ZDHHC24: variants seen among roughly 807,000 people sequenced by gnomAD.
ZDHHC24 encodes the protein probable palmitoyltransferase ZDHHC24.
Under a neutral mutation model 23.2 loss-of-function variants are expected in ZDHHC24, and 17 were observed. That is an observed-to-expected ratio of 0.73 (90% CI 0.50 to 1.10). ZDHHC24 has a LOEUF of 1.10. ZDHHC24 is among the 50% of genes least tolerant of loss of function. The pLI is 0.00. For missense variants in ZDHHC24, 366 were observed against 393.0 expected (o/e 0.93, Z 0.58); for synonymous variants, 186 against 194.5 (o/e 0.96, Z 0.36).
At position 66,543,895 on chromosome 11, in the gene ZDHHC24, T is replaced by C; in HGVS notation, c.368A>G (p.His123Arg). The change falls in exon 2 of 3, where the codon CAC (histidine) becomes CGC (arginine). Residue 123 changes from histidine to arginine, a missense_variant. Physicochemically the swap from His to Arg is conservative, Grantham distance 29. Transcript: ENST00000310442. ...CRVCILRRDH[H>R]CRLLGRCVGF... is the part of the protein sequence containing the mutation. ...CACGCAGCGGCCCAGCAGGCGGCAGTGGTGGTCCCGACGCAGGATGCAGAC... is the reference window on the plus strand; with the variant it reads ...CACGCAGCGGCCCAGCAGGCGGCAGCGGTGGTCCCGACGCAGGATGCAGAC... The C allele has an allele frequency of 6.2e-7, 1 of 1,613,898 alleles. No individual in the cohort carries two copies. Among genetic ancestry groups the C allele is most frequent in the Non-Finnish European group, 8.5e-7 (1 of 1,179,924 alleles).
At chr11:66,529,323 T>C in exon 3 of ZDHHC24, 1 of 1,536,118 alleles carries the variant, frequency 6.5e-7, no homozygotes, top group Non-Finnish European at 8.7e-7. Flanking sequence ...ATGAGGCTGG[T>C]TTCCGCAGCA....
downstream of ZDHHC24, among the ~76,000 whole-genome samples, chr11:66,534,778 C>T (rs1176429117): frequency 3.3e-5 from 5 of 152,146 alleles, no homozygotes; most frequent in Admixed American, 3.3e-4. Context: ...TCGCTGCAAG[C>T]ATCACCTCCC....
Position 66,543,761 on chromosome 11 carries a change from G to A in ZDHHC24, c.502C>T (p.His168Tyr), listed in dbSNP as rs1429003563. Residue 168 changes from histidine to tyrosine, a missense_variant, in exon 2 of 3, where the codon CAC becomes TAC. Coordinates refer to ENST00000310442, the MANE Select transcript of ZDHHC24 (RefSeq NM_207340.3). ...GPALSALLRA[H>Y]TPLHMAALLL... ...AGGGCAGCCATGTGGAGGGGCGTGT[G>A]GGCTCGCAGCAGGGCCGACAGTGCA... is the stretch of plus-strand genomic sequence containing the variant. 6.2e-7 allele frequency: 1 copy of A among 1,607,960 alleles called. No individual in the cohort carries two copies. Among genetic ancestry groups the A allele is most frequent in the East Asian group, 2.2e-5 (1 of 44,628 alleles).
At chr11:66,523,475 T>G (rs777705416) in intron 4 of ZDHHC24, 3 of 1,614,058 alleles carry the variant, frequency 1.9e-6, no homozygotes. Context: ...GCACCCCAAG[T>G]ACTGCATCGA....
chr11:66,522,417 G>A (rs969549651), intron 4 of ZDHHC24, among the ~76,000 whole-genome samples: 2 of 150,070 alleles, frequency 1.3e-5, no homozygotes, highest in Admixed American at 1.3e-4. Context: ...GCACGATCTC[G>A]GCTTACTGCA....
intron 1 of ZDHHC24, 23 bp from the exon 2 acceptor site, chr11:66,544,004 C>T (rs1394727292): frequency 2.5e-6 from 4 of 1,608,890 alleles, no homozygotes; most frequent in Admixed American, 1.7e-5. Context: ...ACCACAGCGT[C>T]AGTTCCCCCA....
chr11:66,539,536 G>C lies in ZDHHC24; in HGVS notation c.848C>G (p.Ala283Gly). The change falls in exon 3 of 3, where the codon GCC (alanine) becomes GGC (glycine). Residue 283 changes from alanine (A) to glycine (G), a missense_variant. Coordinates refer to ENST00000310442, the MANE Select transcript of ZDHHC24 (RefSeq NM_207340.3). ...CTCTGGCTCTTCCTGGAGTCAGGAG[G>C]CTGTGTGTCCCACATCTGCTGTGGT... ...FQTTADVGHT[A>G]S 6.4e-7 allele frequency: 1 copy of C among 1,564,290 alleles called. No homozygotes were observed. The highest frequency in any genetic ancestry group is 8.7e-7 in the Non-Finnish European group (1 of 1,154,666).
chr11:66,531,105 G>A (rs1483152491), downstream of ZDHHC24: 50 of 1,581,280 alleles, frequency 3.2e-5, no homozygotes, highest in Middle Eastern at 5.0e-4. Flanking sequence ...ACAGAGCCCC[G>A]CCAGGTCAGG....
chr11:66,532,951 C>A (rs1856844371), downstream of ZDHHC24: 1 of 152,232 alleles, frequency 6.6e-6, no homozygotes, highest in Non-Finnish European at 1.5e-5. Context: ...CCAAATCAGT[C>A]ATGTGGGTGG....
Position 66,539,751 on chromosome 11 carries a change from C to T in ZDHHC24, c.633G>A (p.Gly211=), listed in dbSNP as rs1399911739. ...GCATCCCATGGAAGAGCAGCCCAGC[C>T]CCGCACAGCAGCGCACCCGCCACGC... is the stretch of plus-strand genomic sequence containing the variant. ...DTCVAGALLC[G]AGLLFHGMLL... Residue 211 remains glycine, a synonymous_variant, in exon 3 of 3, where the codon GGG becomes GGA. Coordinates refer to ENST00000310442, the MANE Select transcript of ZDHHC24 (RefSeq NM_207340.3). 6.2e-7 allele frequency: 1 copy of T among 1,613,324 alleles called. No homozygotes were observed. Among genetic ancestry groups the T allele is most frequent in the Admixed American group, 1.7e-5 (1 of 59,984 alleles).
In ZDHHC24 at chr11:66,524,300, G is replaced by C. The variant is rs1023968597; in HGVS notation, c.*21+2636C>G. 9.0e-6 allele frequency: 3 copies of C among 333,352 alleles called. No individual in the cohort carries two copies. In the East Asian group the frequency reaches 2.4e-4, roughly 27 times the overall value. 20.6% of individuals were successfully genotyped at this position (333,352 alleles called of 1,614,324 possible). A position where few individuals can be genotyped will look rare whatever the true frequency, so the allele number is the denominator to read the frequency against. ...ATCTTAAAAAAAAAAAAAATGTGTT[G>C]AGCACCTCATATGTACCAGTCACCA... On this transcript the variant is annotated intron_variant, in intron 4 of 4. Transcript: ENST00000526986.
chr11:66,532,166 C>A, downstream of ZDHHC24: 1 of 972,018 alleles, frequency 1.0e-6, no homozygotes, highest in Non-Finnish European at 1.5e-6. Flanking sequence ...CTTAAGCACC[C>A]GCTTCCTCAC....
Position 66,535,867 on chromosome 11 carries a change from CA to C in ZDHHC24, c.*3661del, listed in dbSNP as rs1224058548. ...TTTAGGAGATGATTCCCAAAGGGCACAGGGGCAGAAAAATGACCAGTGGAAC... is the reference window on the plus strand; with the variant it reads ...TTTAGGAGATGATTCCCAAAGGGCACGGGGCAGAAAAATGACCAGTGGAAC... On this transcript the variant is annotated 3_prime_UTR_variant, in exon 3 of 3. Transcript: ENST00000310442. The C allele has an allele frequency of 6.6e-6, 1 of 152,074 alleles. No homozygotes were observed. The highest frequency in any genetic ancestry group is 2.4e-5 in the African/African-American group (1 of 41,376). The allele number at this position is 152,074 out of a possible 1,614,324, so 9.4% of individuals were successfully genotyped here. A position where few individuals can be genotyped will look rare whatever the true frequency, so the allele number is the denominator to read the frequency against.
At position 66,538,598 on chromosome 11, in the gene ZDHHC24, C is replaced by A. The variant is rs536528637; in HGVS notation, c.*931G>T. 6.6e-6 allele frequency: 1 copy of A among 152,294 alleles called. No individual in the cohort carries two copies. The highest frequency in any genetic ancestry group is 1.9e-4 in the East Asian group (1 of 5,190). 9.4% of individuals were successfully genotyped at this position (152,294 alleles called of 1,614,324 possible). On this transcript the variant is annotated 3_prime_UTR_variant, in exon 3 of 3. Transcript: ENST00000310442. ...GTTCTACTGTCTTCCCTCCTGTTTT[C>A]TTTCCCTTTGTATTATTTTTGATTT... is the stretch of plus-strand genomic sequence containing the variant.
downstream of ZDHHC24, chr11:66,531,692 G>T (rs121917777): frequency 2.0e-5 from 33 of 1,614,116 alleles, no homozygotes; most frequent in Admixed American, 4.3e-4. Flanking sequence ...CTACCCCCTG[G>T]AGACCTTTGT....
downstream of ZDHHC24, chr11:66,531,764 C>T (rs771999309): frequency 1.3e-5 from 21 of 1,613,416 alleles, no homozygotes; most frequent in Non-Finnish European, 1.8e-5. Context: ...ACTTGTACCA[C>T]GTGGAAGGTG....
chr11:66,529,597 C>T, intron 2 of ZDHHC24: 1 of 692,014 alleles, frequency 1.4e-6, no homozygotes, highest in Non-Finnish European at 2.6e-6. Context: ...ATAGTGCAGG[C>T]AGGGAGGTGG....
At chr11:66,529,395 T>C in exon 3 of ZDHHC24, 1 of 1,273,712 alleles carries the variant, frequency 7.9e-7, no homozygotes, top group Non-Finnish European at 1.1e-6. Flanking sequence ...GCGAGGGTGC[T>C]CACTAAGCTG....
downstream of ZDHHC24, chr11:66,531,577 C>G: frequency 6.3e-7 from 1 of 1,583,070 alleles, no homozygotes; most frequent in Non-Finnish European, 8.7e-7. Flanking sequence ...TCAGTGGAGA[C>G]TGCGGGCCTG....
Sources: gnomAD v4.1 joint callset for allele counts (sites outside exome capture counted in the v4.1 genomes callset) on GRCh38, gnomAD v4.1.1 for gene constraint, MANE v1.5 for transcripts, NCBI Gene and HGNC (gene_info 2026-07-23, HGNC 2026-07-21) for gene names.